Variants in ADGRG6 observed in about 807,000 individuals in gnomAD.
The protein encoded by ADGRG6 is adhesion G protein-coupled receptor G6, also known as G-protein coupled receptor 126.
ADGRG6 carries 84 observed loss-of-function variants against 142.4 expected under a neutral mutation model. The observed-to-expected ratio is 0.59, with a 90% CI of 0.49 to 0.71. ADGRG6 has a LOEUF of 0.71. Among genes scored for constraint, ADGRG6 ranks in the 30% least tolerant of loss-of-function variants. The pLI is 0.00. For missense variants in ADGRG6, 1,367 were observed against 1,466.6 expected, an observed-to-expected ratio of 0.93 and a Z score of 1.11; for synonymous variants, 521 against 520.5, an observed-to-expected ratio of 1.00 and a Z score of -0.01.
chr6:142,371,608 A>G (rs999708923), intron 4 of ADGRG6, among the ~76,000 whole-genome samples: 3 of 150,466 alleles, frequency 2.0e-5, no homozygotes, highest in Non-Finnish European at 4.4e-5. Flanking sequence ...GCCTCAGCCT[A>G]TCGAGTAGCT....
chr6:142,334,317 CTACTCCACATTGCCAGA>C, intron 2 of ADGRG6, among the ~76,000 whole-genome samples: 1 of 152,176 alleles, frequency 6.6e-6, no homozygotes, highest in Admixed American at 6.5e-5. Flanking sequence ...AAAAACAAAA[CTACTCCACATTGCCAGA>C]TATATTACAC....
At chr6:142,435,579 A>G (rs1777446273) in intron 22 of ADGRG6, among the ~76,000 whole-genome samples, 2 of 152,206 alleles carry the variant, frequency 1.3e-5, no homozygotes, top group African/African-American at 4.8e-5. Context: ...TGTAGACTAC[A>G]TGATTGATTG....
chr6:142,388,697 T>G (rs754696731), intron 6 of ADGRG6, among the ~76,000 whole-genome samples: 1 of 152,088 alleles, frequency 6.6e-6, no homozygotes, highest in Non-Finnish European at 1.5e-5. Flanking sequence ...TATTGAATGC[T>G]GAACTTAAAG....
rs1775271810 is a variant in ADGRG6, at chr6:142,397,653, A to G, written c.1465A>G (p.Asn489Asp). The change falls in exon 10 of 25, where the codon AAT becomes GAT. Residue 489 changes from asparagine (N) to aspartate (D), a missense_variant. Physicochemically the swap from Asn to Asp is conservative, Grantham distance 23 (BLOSUM62 1). Coordinates refer to ENST00000367609, the MANE Select transcript of ADGRG6 (RefSeq NM_198569.3). ...CCTTCTAGTTTACAATGCTACCAAC[A>G]ATACTAATTTGGAAGGAAAAATCAT... ...WALLVYNATN[N>D]TNLEGKIIQQ... The G allele has an allele frequency of 6.2e-7, 1 of 1,609,140 alleles. No individual in the cohort carries two copies. Among genetic ancestry groups the G allele is most frequent in the African/African-American group, 1.3e-5 (1 of 74,724 alleles).
Position 142,302,108 on chromosome 6 carries a change from T to A in ADGRG6, c.-222T>A. ...AGGAGGGACCTGCCGCCAGCCTGCT[T>A]CCTCGTCCGCAGGCCCTGCGCTGAA... On this transcript the variant is annotated 5_prime_UTR_variant, in exon 1 of 25. Coordinates refer to ENST00000367609, the MANE Select transcript of ADGRG6 (RefSeq NM_198569.3). 1.9e-6 allele frequency: 1 copy of A among 538,522 alleles called. No homozygotes were observed. Among genetic ancestry groups the A allele is most frequent in the Non-Finnish European group, 3.3e-6 (1 of 306,780 alleles). 33.4% of individuals were successfully genotyped at this position (538,522 alleles called of 1,614,324 possible). A position where few individuals can be genotyped will look rare whatever the true frequency, so the allele number is the denominator to read the frequency against.
intron 24 of ADGRG6, among the ~76,000 whole-genome samples, chr6:142,439,634 A>G (rs1777646466): frequency 6.6e-6 from 1 of 152,212 alleles, no homozygotes; most frequent in African/African-American, 2.4e-5. Context: ...TTAATTAAAA[A>G]TCCAAGAACT....
chr6:142,357,587 A>G (rs1780510377), intron 2 of ADGRG6, among the ~76,000 whole-genome samples: 1 of 152,184 alleles, frequency 6.6e-6, no homozygotes, highest in South Asian at 2.1e-4. Context: ...TATGTGCACA[A>G]ACCTGAATGA....
intron 10 of ADGRG6, among the ~76,000 whole-genome samples, chr6:142,400,039 C>A (rs1045368489): frequency 6.6e-6 from 1 of 152,120 alleles, no homozygotes; most frequent in Non-Finnish European, 1.5e-5. Flanking sequence ...GGAACATTTT[C>A]TATAAAATAG....
chr6:142,349,669 G>T (rs919477153), intron 2 of ADGRG6, among the ~76,000 whole-genome samples: 1 of 152,134 alleles, frequency 6.6e-6, no homozygotes, highest in Non-Finnish European at 1.5e-5. Context: ...CATGATGTTG[G>T]CTATTGCATA....
In ADGRG6 at chr6:142,437,462, T is replaced by G; in HGVS notation, c.3348T>G (p.Ala1116=). The change falls in exon 23 of 25, where the codon GCT becomes GCG. Residue 1116 remains alanine (A), a synonymous_variant. Transcript: ENST00000367609. ...TATTTATATTCATCTTCCACTGTGC[T>G]ATGAAGGAGAATGTTCAGAAACAGT... The part of the protein sequence containing the change: ...QGLFIFIFHC[A]MKENVQKQWR... 1 of 1,571,302 alleles carries G rather than the reference T, an allele frequency of 6.4e-7. No homozygotes were observed. The highest frequency in any genetic ancestry group is 8.8e-7 in the Non-Finnish European group (1 of 1,141,112).
At chr6:142,423,645 C>T (rs1474294493) in intron 22 of ADGRG6, among the ~76,000 whole-genome samples, 6 of 135,596 alleles carry the variant, frequency 4.4e-5, no homozygotes, top group African/African-American at 1.4e-4. Context: ...ATTGACTTGG[C>T]GATGCGGGCT....
intron 2 of ADGRG6, among the ~76,000 whole-genome samples, chr6:142,327,235 A>G (rs907642251): frequency 1.3e-5 from 2 of 152,182 alleles, no homozygotes; most frequent in East Asian, 1.9e-4. Flanking sequence ...ATTTAACTTA[A>G]TGATAGGCAA....
intron 2 of ADGRG6, among the ~76,000 whole-genome samples, chr6:142,362,762 A>G (rs1222611545): frequency 1.3e-5 from 2 of 152,186 alleles, no homozygotes; most frequent in Non-Finnish European, 2.9e-5. Flanking sequence ...CAATGATGTT[A>G]CATCTGACAG....
chr6:142,378,244 C>T (rs1267302199), intron 4 of ADGRG6, among the ~76,000 whole-genome samples: 4 of 152,172 alleles, frequency 2.6e-5, no homozygotes. Context: ...TGCCTAAAAA[C>T]TGCTTTCCCA....
chr6:142,386,003 T>G (rs190603910), intron 6 of ADGRG6, among the ~76,000 whole-genome samples: 1 of 152,314 alleles, frequency 6.6e-6, no homozygotes, highest in Admixed American at 6.5e-5. Flanking sequence ...CCATTCCTTT[T>G]AACTCTTGGC....
At chr6:142,342,227 G>T (rs187016939) in intron 2 of ADGRG6, among the ~76,000 whole-genome samples, 173 of 152,176 alleles carry the variant, frequency 1.1e-3, no homozygotes, top group Non-Finnish European at 2.9e-4. Flanking sequence ...TCTCCAGAGA[G>T]AGTGGAGAAA....
chr6:142,317,600 G>A (rs1029667562), intron 2 of ADGRG6, among the ~76,000 whole-genome samples: 1 of 146,684 alleles, frequency 6.8e-6, no homozygotes, highest in Non-Finnish European at 1.5e-5. Context: ...AAACGCTAAA[G>A]GCTATGTCAT....
intron 2 of ADGRG6, among the ~76,000 whole-genome samples, chr6:142,336,678 CATAG>C (rs1366788638): frequency 6.6e-6 from 1 of 152,154 alleles, no homozygotes; most frequent in Non-Finnish European, 1.5e-5. Flanking sequence ...TAGACACATA[CATAG>C]ATATATTTGT....
intron 22 of ADGRG6, among the ~76,000 whole-genome samples, chr6:142,425,676 TG>T (rs1478324616): frequency 1.3e-5 from 2 of 152,128 alleles, no homozygotes; most frequent in East Asian, 3.9e-4. Context: ...GTGTTTGAGC[TG>T]GGTCTGCTGT....
Sources: allele counts gnomAD v4.1 joint callset (sites outside exome capture counted in the v4.1 genomes callset), GRCh38; gene constraint gnomAD v4.1.1; transcripts MANE v1.5; gene names NCBI Gene and HGNC (gene_info 2026-07-23, HGNC 2026-07-21).